Variants in ZNF33B observed in about 807,000 individuals in gnomAD.
ZNF33B encodes the protein zinc finger protein 11b (KOX 2).
ZNF33B carries 29 observed loss-of-function variants against 45.8 expected under a neutral mutation model. The observed-to-expected ratio is 0.63, with a 90% CI of 0.47 to 0.86. The LOEUF (loss-of-function observed/expected upper bound fraction) is 0.86. ZNF33B is among the 40% of genes least tolerant of loss of function. The pLI, the probability that ZNF33B is intolerant of heterozygous loss-of-function variation, is 0.00. For synonymous variants in ZNF33B, 305 were observed against 307.8 expected, an observed-to-expected ratio of 0.99 and a Z score of 0.10; for missense variants, 831 against 909.9, an observed-to-expected ratio of 0.91 and a Z score of 1.12.
chr10:42,621,692 A>C (rs1211393687), intron 4 of ZNF33B, among the ~76,000 whole-genome samples: 1 of 152,202 alleles, frequency 6.6e-6, no homozygotes, highest in Non-Finnish European at 1.5e-5. Flanking sequence ...CACAAAACAG[A>C]ATAGAACTTC....
intron 4 of ZNF33B, among the ~76,000 whole-genome samples, chr10:42,621,635 G>A (rs915461326): frequency 3.3e-5 from 5 of 151,676 alleles, no homozygotes; most frequent in Admixed American, 6.6e-5. Flanking sequence ...TGCAGTAAAG[G>A]CAGTTGACAA....
At chr10:42,587,276 T>G (rs1836954370), downstream of ZNF33B, among the ~76,000 whole-genome samples, 1 of 152,160 alleles carries the variant, frequency 6.6e-6, no homozygotes. Flanking sequence ...CTTGGCTCAC[T>G]GCAACATCCG....
Position 42,591,257 on chromosome 10 carries a change from C to G in ZNF33B, c.*1356G>C, listed in dbSNP as rs1037163567. 2.2e-6 allele frequency: 2 copies of G among 927,614 alleles called. No individual in the cohort carries two copies. The highest frequency in any genetic ancestry group is 3.6e-5 in the African/African-American group (2 of 55,582). The allele number at this position is 927,614 out of a possible 1,614,324, so 57.5% of individuals were successfully genotyped here. ...TATGTGTGGGCCTCTTTCCAGGGCC[C>G]TGTCTTGGAGAGCAGCTGCTTAAAG... On this transcript the variant is annotated 3_prime_UTR_variant, in exon 5 of 5. Transcript: ENST00000359467.
chr10:42,605,455 T>G (rs1304193874), intron 4 of ZNF33B, among the ~76,000 whole-genome samples: 1 of 152,110 alleles, frequency 6.6e-6, no homozygotes, highest in Non-Finnish European at 1.5e-5. Flanking sequence ...AAAAAAAATT[T>G]TTGTTAATAA....
chr10:42,621,326 T>G (rs1425326555), intron 4 of ZNF33B, among the ~76,000 whole-genome samples: 10 of 151,818 alleles, frequency 6.6e-5, no homozygotes, highest in African/African-American at 2.4e-4. Flanking sequence ...AGTGAGACTC[T>G]TTTAAAAAAA....
chr10:42,596,234 A>G (rs1389981985), intron 4 of ZNF33B, among the ~76,000 whole-genome samples: 3 of 151,982 alleles, frequency 2.0e-5, no homozygotes, highest in Non-Finnish European at 4.4e-5. Context: ...CAAAAGAACC[A>G]TCATGAACCT....
downstream of ZNF33B, among the ~76,000 whole-genome samples, chr10:42,584,583 C>G (rs1836892823): frequency 6.6e-6 from 1 of 151,894 alleles, no homozygotes; most frequent in Non-Finnish European, 1.5e-5. Context: ...TGCAATGGCA[C>G]CATCTCGGCT....
intron 4 of ZNF33B, among the ~76,000 whole-genome samples, chr10:42,626,403 C>G (rs918814591): frequency 2.6e-5 from 4 of 152,044 alleles, no homozygotes; most frequent in Admixed American, 6.6e-5. Flanking sequence ...GAAATGTTCC[C>G]TCTTGGCCAG....
chr10:42,604,209 T>C (rs1837746015), intron 4 of ZNF33B, among the ~76,000 whole-genome samples: 1 of 150,678 alleles, frequency 6.6e-6, no homozygotes, highest in South Asian at 2.1e-4. Flanking sequence ...CTTTGGGAGG[T>C]TGAGGCAGGT....
chr10:42,616,791 A>G (rs760963070), intron 4 of ZNF33B, among the ~76,000 whole-genome samples: 18 of 151,984 alleles, frequency 1.2e-4, no homozygotes, highest in Non-Finnish European at 2.6e-4. Flanking sequence ...CGCCTCCCGG[A>G]TTCAAGCAAT....
intron 4 of ZNF33B, among the ~76,000 whole-genome samples, chr10:42,608,689 C>A (rs554281722): frequency 8.6e-5 from 13 of 151,994 alleles, no homozygotes; most frequent in African/African-American, 2.9e-4. Flanking sequence ...TAAAAAAGAT[C>A]TCAAATCAAT....
intron 4 of ZNF33B, among the ~76,000 whole-genome samples, chr10:42,596,734 C>T (rs1202710426): frequency 6.6e-6 from 1 of 151,918 alleles, no homozygotes; most frequent in African/African-American, 2.4e-5. Flanking sequence ...TTGCAATTTC[C>T]AATTGATCAT....
At chr10:42,607,829 A>G (rs932151329) in intron 4 of ZNF33B, among the ~76,000 whole-genome samples, 12 of 152,228 alleles carry the variant, frequency 7.9e-5, no homozygotes, top group Non-Finnish European at 1.0e-4. Context: ...TTAAAAAATC[A>G]TAAGTCAAAC....
chr10:42,592,902 T>C lies in ZNF33B; in HGVS notation c.2048A>G (p.His683Arg), dbSNP rs1158992260. Reference sequence around the variant, plus strand: ...TTTCTCCCCCGTGTGCTTTCTCTCATGTAAAATAAGTCCTGACTTCACACA... The same window carrying C: ...TTTCTCCCCCGTGTGCTTTCTCTCACGTAAAATAAGTCCTGACTTCACACA... ...SFCVKSGLILHERKHTGEKPY... is the reference protein window; with the variant it reads ...SFCVKSGLILRERKHTGEKPY... The change falls in exon 5 of 5, where the codon CAT becomes CGT. Residue 683 changes from histidine (H) to arginine (R), a missense_variant. Physicochemically the swap from His to Arg is conservative, Grantham distance 29 (BLOSUM62 0). Coordinates refer to ENST00000359467, the MANE Select transcript of ZNF33B (RefSeq NM_006955.3). The C allele has an allele frequency of 9.9e-6, 16 of 1,613,910 alleles. No individual in the cohort carries two copies. The highest frequency in any genetic ancestry group is 2.7e-5 in the African/African-American group (2 of 74,880).
chr10:42,632,764 T>C (rs1839118664), intron 2 of ZNF33B: 1 of 298,486 alleles, frequency 3.4e-6, no homozygotes, highest in African/African-American at 2.3e-5. Flanking sequence ...CCCAACAGAC[T>C]AACGTTAGGA....
intron 4 of ZNF33B, among the ~76,000 whole-genome samples, chr10:42,605,848 C>G (rs1329514220): frequency 6.6e-6 from 1 of 152,146 alleles, no homozygotes; most frequent in African/African-American, 2.4e-5. Context: ...GTAATCCCAA[C>G]ACTTTGGGAG....
chr10:42,586,205 G>A (rs1359680711), downstream of ZNF33B, among the ~76,000 whole-genome samples: 56 of 143,712 alleles, frequency 3.9e-4, 1 homozygote, highest in Non-Finnish European at 1.3e-4. Context: ...CCAGGCTGGA[G>A]TGCAGTGGCA....
intron 4 of ZNF33B, among the ~76,000 whole-genome samples, chr10:42,595,215 G>A (rs1311455396): frequency 2.0e-5 from 3 of 152,124 alleles, no homozygotes. Context: ...ATGGAATAGA[G>A]GAGACAGACA....
At chr10:42,602,396 C>T (rs1837667750) in intron 4 of ZNF33B, among the ~76,000 whole-genome samples, 1 of 151,580 alleles carries the variant, frequency 6.6e-6, no homozygotes, top group South Asian at 2.1e-4. Context: ...ATGAACCTGT[C>T]AGTTAATTCT....
Sources: allele counts gnomAD v4.1 joint callset (sites outside exome capture counted in the v4.1 genomes callset), GRCh38; gene constraint gnomAD v4.1.1; transcripts MANE v1.5; gene names NCBI Gene and HGNC (gene_info 2026-07-23, HGNC 2026-07-21).